IGSF3: variants seen among roughly 807,000 people sequenced by gnomAD.
IGSF3 encodes the protein glu-Trp-Ile EWI motif-containing protein 3.
A neutral mutation model predicts 114.4 loss-of-function variants in IGSF3; 23 were observed. That is an observed-to-expected ratio of 0.20 (90% confidence interval 0.14 to 0.28). The LOEUF (loss-of-function observed/expected upper bound fraction) is 0.28. Ranked by LOEUF, IGSF3 falls within the 10% of genes least tolerant of loss-of-function variation. IGSF3 has a pLI of 1.00. For synonymous variants in IGSF3, 571 were observed against 645.2 expected (o/e 0.88, Z 1.74); for missense variants, 1,172 against 1,591.5 (o/e 0.74, Z 4.48).
rs1482268932 is a variant in IGSF3 at position 116,649,139 on chromosome 1, C to T, written c.43+17145G>A. ...CAGGATTTCCCAGCTGAGCAAGAAC[C>T]GTCAAAGTCTGGTCCTGGAAGGACA... On this transcript the variant is annotated intron_variant, in intron 2 of 10. Transcript: ENST00000369486. This position sits in a 1 kb window ranked among gnomAD's most constrained non-coding sequence, Gnocchi z 4.5. 3.3e-5 allele frequency among the ~76,000 whole-genome samples: 5 copies of T among 152,214 alleles called. No individual in the cohort carries two copies. Among genetic ancestry groups the T allele is most frequent in the East Asian group, 1.9e-4 (1 of 5,206 alleles).
chr1:116,583,752 A>C lies in IGSF3; in HGVS notation c.2848+893T>G, dbSNP rs1659690732. Among the ~76,000 whole-genome samples, 1 of 152,224 alleles carries C rather than the reference A, an allele frequency of 6.6e-6. No individual in the cohort carries two copies. Among genetic ancestry groups the C allele is most frequent in the Admixed American group, 6.5e-5 (1 of 15,278 alleles). ...GCTGTGATGTTGCAAAGGACATGGG[A>C]ATCCTGCACATCGTAGCTTTGATTA... On this transcript the variant is annotated intron_variant, in intron 9 of 10. Coordinates refer to ENST00000369486, the MANE Select transcript of IGSF3 (RefSeq NM_001007237.3). The surrounding 1 kb of genome is among the most constrained non-coding windows in gnomAD (Gnocchi z 4.5).
chr1:116,582,131 A>G lies in IGSF3; in HGVS notation c.2849-2254T>C, dbSNP rs555539924. Among the ~76,000 whole-genome samples, 1 of 152,194 alleles carries G rather than the reference A, an allele frequency of 6.6e-6. No homozygotes were observed. The highest frequency in any genetic ancestry group is 2.1e-4 in the South Asian group (1 of 4,826). ...CTTGTCTGCATAAATGACTCAATAC[A>G]AGTTTTTCGACAGAAATTAATTTCC... On this transcript the variant is annotated intron_variant, in intron 9 of 10. Transcript: ENST00000369486. This position sits in a 1 kb window ranked among gnomAD's most constrained non-coding sequence, Gnocchi z 4.7.
chr1:116,585,131 T>A lies in IGSF3; in HGVS notation c.2441-79A>T. 1.8e-6 allele frequency: 2 copies of A among 1,114,436 alleles called. No homozygotes were observed. The highest frequency in any genetic ancestry group is 2.5e-6 in the Non-Finnish European group (2 of 790,672). 69.0% of individuals were successfully genotyped at this position (1,114,436 alleles called of 1,614,324 possible). On this transcript the variant is annotated intron_variant, in intron 8 of 10. Coordinates refer to ENST00000369486, the MANE Select transcript of IGSF3 (RefSeq NM_001007237.3). This position sits in a 1 kb window ranked among gnomAD's most constrained non-coding sequence, Gnocchi z 4.9. The stretch of plus-strand genomic sequence containing the variant: ...CGCACCCTTTCCCAGGGTAGGTGAA[T>A]GGATGCCTTCCAAATACAGAAGGAC...
Position 116,666,734 on chromosome 1 carries a change from C to A in IGSF3, c.-408G>T, listed in dbSNP as rs982644683. 6 of 465,172 alleles carry A rather than the reference C, an allele frequency of 1.3e-5. No individual in the cohort carries two copies. The highest frequency in any genetic ancestry group is 8.0e-5 in the African/African-American group (4 of 49,966). 28.8% of individuals were successfully genotyped at this position (465,172 alleles called of 1,614,324 possible). A position where few individuals can be genotyped will look rare whatever the true frequency, so the allele number is the denominator to read the frequency against. On this transcript the variant is annotated 5_prime_UTR_variant, in exon 2 of 11. An upstream open reading frame in the 5' UTR gains an earlier in-frame stop. Transcript: ENST00000369486. The stretch of plus-strand genomic sequence containing the variant: ...TCTCAGTGAAGGTGTCTGTGATCTC[C>A]CTCATTCGGATTCCCCAGAGAGAAC...
In IGSF3 at chr1:116,610,141, A is replaced by G. The variant is rs942930809; in HGVS notation, c.833-1810T>C. Among the ~76,000 whole-genome samples the G allele has an allele frequency of 7.2e-5, 11 of 152,196 alleles. No homozygotes were observed. Among genetic ancestry groups the G allele is most frequent in the Non-Finnish European group, 1.3e-4 (9 of 68,042 alleles). ...ACCATCTGCCTGGATGAACACACCC[A>G]TATGGGACAGTCCCCGTGTTATCTG... is the stretch of plus-strand genomic sequence containing the variant. On this transcript the variant is annotated intron_variant, in intron 4 of 10. Coordinates refer to ENST00000369486, the MANE Select transcript of IGSF3 (RefSeq NM_001007237.3). This position sits in a 1 kb window ranked among gnomAD's most constrained non-coding sequence, Gnocchi z 4.3.
intron 4 of IGSF3, among the ~76,000 whole-genome samples, chr1:116,611,283 G>A (rs938109829): frequency 8.5e-5 from 13 of 152,182 alleles, no homozygotes; most frequent in Admixed American, 6.5e-4. Flanking sequence ...GAGGACAAAG[G>A]AAGGGGACTT....
chr1:116,631,035 T>A (rs1345935654), intron 2 of IGSF3, among the ~76,000 whole-genome samples: 1 of 152,116 alleles, frequency 6.6e-6, no homozygotes, highest in Admixed American at 6.5e-5. Flanking sequence ...GAGCATGGGC[T>A]TGGCCGGGCA....
At position 116,593,278 on chromosome 1, in the gene IGSF3, G is replaced by A. The variant is rs576753430; in HGVS notation, c.2030-4174C>T. ...GATTCTGATGCACATTCAAGTTTGAGAAGCAACAGCCGTGCTGCTGAGGTG... is the reference window on the plus strand; with the variant it reads ...GATTCTGATGCACATTCAAGTTTGAAAAGCAACAGCCGTGCTGCTGAGGTG... On this transcript the variant is annotated intron_variant, in intron 7 of 10. Transcript: ENST00000369486. The surrounding 1 kb of genome is among the most constrained non-coding windows in gnomAD (Gnocchi z 4.5). Among the ~76,000 whole-genome samples the A allele has an allele frequency of 7.9e-5, 12 of 152,380 alleles. No individual in the cohort carries two copies. Among genetic ancestry groups the A allele is most frequent in the Non-Finnish European group, 1.6e-4 (11 of 68,046 alleles).
chr1:116,615,344 TAGAG>T lies in IGSF3; in HGVS notation c.421+732_421+735del, dbSNP rs774059167. Among the ~76,000 whole-genome samples, 3 of 151,262 alleles carry T rather than the reference TAGAG, an allele frequency of 2.0e-5. No homozygotes were observed. Among genetic ancestry groups the T allele is most frequent in the Admixed American group, 6.6e-5 (1 of 15,204 alleles). On this transcript the variant is annotated intron_variant, in intron 3 of 10. Transcript: ENST00000369486. This position sits in a 1 kb window ranked among gnomAD's most constrained non-coding sequence, Gnocchi z 4.3. ...GTCTCCTGCTGGGACACAGACTAGTTAGAGAAAGTAAAAATAAACAAATGATAGT... is the reference window on the plus strand; with the variant it reads ...GTCTCCTGCTGGGACACAGACTAGTTAAAGTAAAAATAAACAAATGATAGT...
Position 116,579,774 on chromosome 1 carries a change from G to A in IGSF3, c.2952C>T (p.Ser984=). 1 of 1,614,152 alleles carries A rather than the reference G, an allele frequency of 6.2e-7. No individual in the cohort carries two copies. Among genetic ancestry groups the A allele is most frequent in the Non-Finnish European group, 8.5e-7 (1 of 1,180,040 alleles). ...GGGAATACCAGGCCACAGCGAAGCGGGAGTCCTGGCTGGAGCGGGACACGA... is the reference window on the plus strand; with the variant it reads ...GGGAATACCAGGCCACAGCGAAGCGAGAGTCCTGGCTGGAGCGGGACACGA... The part of the protein sequence containing the change: ...CSIVSRSSQD[S]RFAVAWYSLR... The change falls in exon 10 of 11, where the codon TCC becomes TCT. Residue 984 remains serine, a synonymous_variant. Coordinates refer to ENST00000369486, the MANE Select transcript of IGSF3 (RefSeq NM_001007237.3). The surrounding 1 kb of genome is among the most constrained non-coding windows in gnomAD (Gnocchi z 6.4).
chr1:116,662,572 C>T lies in IGSF3; in HGVS notation c.43+3712G>A, dbSNP rs1649160983. Among the ~76,000 whole-genome samples the T allele has an allele frequency of 6.6e-6, 1 of 152,144 alleles. No homozygotes were observed. Among genetic ancestry groups the T allele is most frequent in the Non-Finnish European group, 1.5e-5 (1 of 68,028 alleles). ...CTGCCATGAAAACCGTAGAAGATGG[C>T]AACATCTTAACACAGCCCTGGGTAC... On this transcript the variant is annotated intron_variant, in intron 2 of 10. Transcript: ENST00000369486. The surrounding 1 kb of genome is among the most constrained non-coding windows in gnomAD (Gnocchi z 4.3).
At chr1:116,643,897 G>C (rs890636561) in intron 2 of IGSF3, among the ~76,000 whole-genome samples, 1 of 152,204 alleles carries the variant, frequency 6.6e-6, no homozygotes, top group African/African-American at 2.4e-5. Context: ...CCAGTTGCAA[G>C]GTCAGGACTC....
intron 7 of IGSF3, among the ~76,000 whole-genome samples, chr1:116,590,846 T>C (rs1342135937): frequency 6.6e-6 from 1 of 152,096 alleles, no homozygotes; most frequent in Non-Finnish European, 1.5e-5. Context: ...ATGTTCTGAA[T>C]GGATGGAAGG....
At chr1:116,658,286 C>T (rs527496191) in intron 2 of IGSF3, among the ~76,000 whole-genome samples, 2 of 152,230 alleles carry the variant, frequency 1.3e-5, no homozygotes, top group African/African-American at 2.4e-5. Flanking sequence ...GCGATCCACC[C>T]GCCTCGGCCT....
chr1:116,608,170 C>A lies in IGSF3; in HGVS notation c.994G>T (p.Ala332Ser), dbSNP rs745838632. The A allele has an allele frequency of 1.2e-6, 2 of 1,612,628 alleles. No homozygotes were observed. The highest frequency in any genetic ancestry group is 1.7e-6 in the Non-Finnish European group (2 of 1,178,756). Residue 332 changes from alanine to serine, a missense_variant, in exon 5 of 11, where the codon GCT (alanine) becomes TCT (serine). Coordinates refer to ENST00000369486, the MANE Select transcript of IGSF3 (RefSeq NM_001007237.3). ...AATTCGCTGTTGAGGACAGGCACAG[C>A]GTTAGGACCCATGGTGGCGATGAGC... ...SSLIATMGPN[A>S]VPVLNSEFAH...
Position 116,628,099 on chromosome 1 carries a change from T to A in IGSF3, c.44-11642A>T, listed in dbSNP as rs1647387736. Among the ~76,000 whole-genome samples the A allele has an allele frequency of 1.3e-5, 2 of 152,156 alleles. No homozygotes were observed. The highest frequency in any genetic ancestry group is 4.1e-4 in the South Asian group (2 of 4,826). Reference sequence around the variant, plus strand: ...AGAGCCCCAATAACTAGCTCCAGTGTGTGGGCAGAAGTGGAGAGGATGGAG... The same window carrying A: ...AGAGCCCCAATAACTAGCTCCAGTGAGTGGGCAGAAGTGGAGAGGATGGAG... On this transcript the variant is annotated intron_variant, in intron 2 of 10. Coordinates refer to ENST00000369486, the MANE Select transcript of IGSF3 (RefSeq NM_001007237.3). The surrounding 1 kb of genome is among the most constrained non-coding windows in gnomAD (Gnocchi z 4.2).
chr1:116,623,599 G>A, intron 2 of IGSF3, among the ~76,000 whole-genome samples: 1 of 151,570 alleles, frequency 6.6e-6, no homozygotes, highest in East Asian at 2.0e-4. Context: ...TTGAACCTGG[G>A]AGATGGAGGT....
chr1:116,630,308 G>T (rs896038348), intron 2 of IGSF3, among the ~76,000 whole-genome samples: 1 of 152,236 alleles, frequency 6.6e-6, no homozygotes, highest in Non-Finnish European at 1.5e-5. Context: ...ACAATGAGAT[G>T]TAGTCTCCTG....
Position 116,585,348 on chromosome 1 carries a change from TC to T in IGSF3, c.2441-297del, listed in dbSNP as rs1218928994. On this transcript the variant is annotated intron_variant, in intron 8 of 10. Transcript: ENST00000369486. This position sits in a 1 kb window ranked among gnomAD's most constrained non-coding sequence, Gnocchi z 4.9. ...AAGCACAAGCTGTAGAGACTGCACA[TC>T]CAAATGACAACGGACCACAAAACAT... Among the ~76,000 whole-genome samples the T allele has an allele frequency of 6.6e-6, 1 of 151,834 alleles. No homozygotes were observed. The highest frequency in any genetic ancestry group is 1.5e-5 in the Non-Finnish European group (1 of 67,988).
Sources: allele counts gnomAD v4.1 joint callset (sites outside exome capture counted in the v4.1 genomes callset), GRCh38; gene constraint gnomAD v4.1.1; non-coding constraint Gnocchi (gnomAD v3.1); transcripts MANE v1.5; gene names NCBI Gene and HGNC (gene_info 2026-07-23, HGNC 2026-07-21).